FHOD3: variants seen among roughly 807,000 people sequenced by gnomAD.
FHOD3 encodes FH1/FH2 domain-containing protein 3.
A neutral mutation model predicts 173.0 loss-of-function variants in FHOD3; 90 were observed. That is an observed-to-expected ratio of 0.52 (90% CI 0.44 to 0.62). The LOEUF (loss-of-function observed/expected upper bound fraction) is 0.62, where lower values mean the gene tolerates loss of function less well. Ranked by LOEUF, FHOD3 falls within the 20% of genes least tolerant of loss-of-function variation. The probability of loss-of-function intolerance (pLI) is 0.00; values close to 1 mark genes in which losing one functional copy is unlikely to be tolerated. For synonymous variants in FHOD3, 828 were observed against 823.0 expected (o/e 1.01, Z -0.10); for missense variants, 1,945 against 2,034.7 (o/e 0.96, Z 0.85).
chr18:36,479,803 T>C (rs1294997367), intron 3 of FHOD3, among the ~76,000 whole-genome samples: 1 of 152,152 alleles, frequency 6.6e-6, no homozygotes, highest in African/African-American at 2.4e-5. Flanking sequence ...CTCATTCCGC[T>C]TTACCCTCCA....
chr18:36,710,477 G>C (rs2040112073), intron 18 of FHOD3: 1 of 152,314 alleles, frequency 6.6e-6, no homozygotes, highest in Admixed American at 6.5e-5. Flanking sequence ...AAGCATGGAT[G>C]AACGAATGAA....
At chr18:36,495,566 G>A (rs999458165) in intron 3 of FHOD3, among the ~76,000 whole-genome samples, 3 of 152,186 alleles carry the variant, frequency 2.0e-5, no homozygotes, top group Non-Finnish European at 4.4e-5. Flanking sequence ...CACCACATGT[G>A]GAATCTACTT....
intron 28 of FHOD3, among the ~76,000 whole-genome samples, chr18:36,775,027 G>T (rs1057036713): frequency 6.6e-6 from 1 of 152,142 alleles, no homozygotes; most frequent in Non-Finnish European, 1.5e-5. Context: ...TGGCCCTGCC[G>T]TTTTACGTCC....
Position 36,439,565 on chromosome 18 carries a change from G to GTGTA in FHOD3, c.338-62358_338-62355dup, listed in dbSNP as rs1173846846. On this transcript the variant is annotated intron_variant, in intron 3 of 28. Coordinates refer to ENST00000590592, the MANE Select transcript of FHOD3 (RefSeq NM_001281740.3). ...TGTGTGTGTGTGTGTGTGTGTGTGT[G>GTGTA]TGTATGTATGTAGTTACATAAGAGG... Among the ~76,000 whole-genome samples the GTGTA allele has an allele frequency of 3.9e-3, 438 of 112,196 alleles. 4 individuals carry two copies. The highest frequency in any genetic ancestry group is 0.013 in the African/African-American group (406 of 31,066). 73.6% of individuals were successfully genotyped at this position (112,196 alleles called of 152,430 possible).
At chr18:36,518,956 C>A (rs1348951321) in intron 5 of FHOD3, among the ~76,000 whole-genome samples, 1 of 152,150 alleles carries the variant, frequency 6.6e-6, no homozygotes, top group African/African-American at 2.4e-5. Flanking sequence ...GGAGTATGGT[C>A]AGGGGCAGGG....
rs927721381 is a variant in FHOD3, at chr18:36,779,730, T to C, written c.*200T>C. On this transcript the variant is annotated 3_prime_UTR_variant, in exon 29 of 29. Transcript: ENST00000590592. ...TCTCCAGGAGTCCCCTGCACATACC[T>C]TCTCCATCGTGTCAGCTGTGTTTCT... 1 of 569,356 alleles carries C rather than the reference T, an allele frequency of 1.8e-6. No individual in the cohort carries two copies. Among genetic ancestry groups the C allele is most frequent in the Middle Eastern group, 4.6e-4 (1 of 2,192 alleles). The allele number at this position is 569,356 out of a possible 1,614,324, so 35.3% of individuals were successfully genotyped here. A position where few individuals can be genotyped will look rare whatever the true frequency, so the allele number is the denominator to read the frequency against.
intron 14 of FHOD3, among the ~76,000 whole-genome samples, chr18:36,668,087 A>G (rs1204628014): frequency 2.0e-5 from 3 of 152,120 alleles, no homozygotes; most frequent in African/African-American, 7.2e-5. Context: ...GCGTAGAATT[A>G]GTACTAGCTC....
At chr18:36,522,542 A>G (rs2056325386) in intron 5 of FHOD3, among the ~76,000 whole-genome samples, 2 of 152,260 alleles carry the variant, frequency 1.3e-5, no homozygotes, top group Non-Finnish European at 2.9e-5. Flanking sequence ...TATGGATTAT[A>G]CTGTACAGCC....
At chr18:36,552,963 A>G (rs1231723105) in intron 5 of FHOD3, among the ~76,000 whole-genome samples, 2 of 152,162 alleles carry the variant, frequency 1.3e-5, no homozygotes, top group Non-Finnish European at 2.9e-5. Flanking sequence ...GTTTGTCATA[A>G]ATAGCTCTTA....
chr18:36,402,577 T>A (rs2048875974), intron 3 of FHOD3, among the ~76,000 whole-genome samples: 1 of 150,500 alleles, frequency 6.6e-6, no homozygotes, highest in Non-Finnish European at 1.5e-5. Context: ...AAAAGGGACA[T>A]GTCCAAGGTC....
At chr18:36,396,915 T>C (rs968575872) in intron 3 of FHOD3, among the ~76,000 whole-genome samples, 1 of 152,164 alleles carries the variant, frequency 6.6e-6, no homozygotes, top group Non-Finnish European at 1.5e-5. Context: ...TGTTTTAGCA[T>C]AGGGTTTAGA....
At chr18:36,458,044 A>C (rs543396372) in intron 3 of FHOD3, among the ~76,000 whole-genome samples, 2 of 152,284 alleles carry the variant, frequency 1.3e-5, no homozygotes, top group South Asian at 2.1e-4. Context: ...AGAGGGAAGC[A>C]GAGAGGAGAG....
At chr18:36,556,958 C>T (rs566574469) in intron 5 of FHOD3, among the ~76,000 whole-genome samples, 1 of 152,154 alleles carries the variant, frequency 6.6e-6, no homozygotes, top group Non-Finnish European at 1.5e-5. Context: ...TCTAGGATGA[C>T]AGGTTTTTTC....
intron 5 of FHOD3, among the ~76,000 whole-genome samples, chr18:36,528,340 T>A (rs2056623037): frequency 6.6e-6 from 1 of 152,226 alleles, no homozygotes; most frequent in South Asian, 2.1e-4. Flanking sequence ...AAGGCTGCCA[T>A]ACTGTAAAAC....
intron 3 of FHOD3, among the ~76,000 whole-genome samples, chr18:36,426,975 G>T (rs1290411334): frequency 2.6e-5 from 4 of 152,198 alleles, no homozygotes; most frequent in Non-Finnish European, 2.9e-5. Flanking sequence ...AGATTTGAAT[G>T]CAGGGCTGTC....
intron 14 of FHOD3, among the ~76,000 whole-genome samples, chr18:36,665,707 G>A (rs2037136094): frequency 6.6e-6 from 1 of 152,192 alleles, no homozygotes; most frequent in Non-Finnish European, 1.5e-5. Flanking sequence ...ATTTAGAGAA[G>A]AGGCAAGTGT....
At position 36,653,345 on chromosome 18, in the gene FHOD3, C is replaced by T. The variant is rs1216494502; in HGVS notation, c.1650C>T (p.Ser550=). The change falls in exon 13 of 29, where the codon TCC becomes TCT. Residue 550 remains serine (S), a synonymous_variant. Transcript: ENST00000590592. ...KEAESQKENS[S]SDSFSLSTYS... Reference sequence around the variant, plus strand: ...CGGGCTTTTCTTCCTTTGACAGTTCCTCTGATTCTTTCTCTTTGAGCACAT... The same window carrying T: ...CGGGCTTTTCTTCCTTTGACAGTTCTTCTGATTCTTTCTCTTTGAGCACAT... 6.5e-7 allele frequency: 1 copy of T among 1,534,364 alleles called. No homozygotes were observed. The highest frequency in any genetic ancestry group is 8.7e-7 in the Non-Finnish European group (1 of 1,146,236).
Position 36,718,331 on chromosome 18 carries a change from G to T in FHOD3, c.3033G>T (p.Val1011=). The T allele has an allele frequency of 6.2e-7, 1 of 1,613,896 alleles. No individual in the cohort carries two copies. The highest frequency in any genetic ancestry group is 1.1e-5 in the South Asian group (1 of 91,012). The part of the protein sequence containing the change: ...GEEDDIDVLD[V]DLGHREAPGP... ...AGGATGACATTGATGTCCTAGATGT[G>T]GACCTGGGTCACAGGGAGGCCCCTG... is the stretch of plus-strand genomic sequence containing the variant. The change falls in exon 19 of 29, where the codon GTG becomes GTT. Residue 1011 remains valine (V), a synonymous_variant. Transcript: ENST00000590592.
intron 5 of FHOD3, among the ~76,000 whole-genome samples, chr18:36,558,675 G>C (rs1001107246): frequency 6.6e-6 from 1 of 152,116 alleles, no homozygotes; most frequent in Admixed American, 6.5e-5. Flanking sequence ...AAAAAGGAGA[G>C]GGGTTAAGAT....
Sources: gnomAD v4.1 joint callset for allele counts (sites outside exome capture counted in the v4.1 genomes callset) on GRCh38, gnomAD v4.1.1 for gene constraint, MANE v1.5 for transcripts, NCBI Gene and HGNC (gene_info 2026-07-23, HGNC 2026-07-21) for gene names.